CSMD1: variants seen among roughly 807,000 people sequenced by gnomAD.
CSMD1 encodes CUB and Sushi multiple domains 1.
A neutral mutation model predicts 417.5 loss-of-function variants in CSMD1; 213 were observed. The ratio of observed to expected loss-of-function variants is 0.51; its 90% CI spans 0.46 to 0.57. The LOEUF is 0.57. Ranked by LOEUF, CSMD1 falls within the 20% of genes least tolerant of loss-of-function variation. The pLI is 0.00. For synonymous variants in CSMD1, 2,862 were observed against 1,736.8 expected (o/e 1.65, Z -16.11); for missense variants, 6,923 against 4,529.7 (o/e 1.53, Z -15.17).
At chr8:3,003,461 T>C (rs1807590873) in intron 52 of CSMD1, among the ~76,000 whole-genome samples, 1 of 152,182 alleles carries the variant, frequency 6.6e-6, no homozygotes, top group East Asian at 1.9e-4. Flanking sequence ...ACCATATCAG[T>C]CACACACTGA....
At chr8:4,071,511 C>G (rs550774625) in intron 3 of CSMD1, among the ~76,000 whole-genome samples, 4 of 152,090 alleles carry the variant, frequency 2.6e-5, no homozygotes, top group Non-Finnish European at 2.9e-5. Flanking sequence ...GCTTCCTTTA[C>G]TTATTTAAGC....
intron 5 of CSMD1, among the ~76,000 whole-genome samples, chr8:3,917,416 A>AACACAC (rs56102573): frequency 1.3e-5 from 2 of 150,198 alleles, no homozygotes; most frequent in Non-Finnish European, 3.0e-5. Context: ...TATACCACGA[A>AACACAC]ACACACACAC....
chr8:4,605,755 T>A (rs186569115), intron 2 of CSMD1, among the ~76,000 whole-genome samples: 39 of 152,324 alleles, frequency 2.6e-4, no homozygotes, highest in Non-Finnish European at 5.4e-4. Context: ...AATCTGGGAA[T>A]CAATTTACGC....
chr8:3,622,336 G>A (rs1400883859), intron 7 of CSMD1, among the ~76,000 whole-genome samples: 4 of 152,144 alleles, frequency 2.6e-5, no homozygotes, highest in Admixed American at 1.3e-4. Context: ...ATTGATGTTT[G>A]TCAGAAATAA....
At chr8:4,940,605 G>A (rs1386138064) in intron 1 of CSMD1, among the ~76,000 whole-genome samples, 2 of 152,132 alleles carry the variant, frequency 1.3e-5, no homozygotes, top group Admixed American at 1.3e-4. Context: ...TTTTGATTCT[G>A]TTTATTTCTG....
At position 4,813,850 on chromosome 8, in the gene CSMD1, G is replaced by C. The variant is rs561830477; in HGVS notation, c.86-176292C>G. Among the ~76,000 whole-genome samples, 42 of 152,298 alleles carry C rather than the reference G, an allele frequency of 2.8e-4. No individual in the cohort carries two copies. In the South Asian group the frequency reaches 8.5e-3, roughly 31 times the overall value. On this transcript the variant is annotated intron_variant, in intron 1 of 69. Transcript: ENST00000635120. ...GGCAGTAATTCCAGAGTGCATAGTA[G>C]CATTCTCAGGTTTTGTGTGTTTTCC...
At chr8:4,146,630 G>GTCTCAAAAAAAAAAAAAAAAAAAAAA in intron 3 of CSMD1, among the ~76,000 whole-genome samples, 2 of 32,404 alleles carry the variant, frequency 6.2e-5, no homozygotes, top group African/African-American at 2.0e-4. Flanking sequence ...TTTTTTTTTT[G>GTCTCAAAAAAAAAAAAAAAAAAAAAA]AGACAGAGTC....
At chr8:4,114,061 G>T (rs182422113) in intron 3 of CSMD1, among the ~76,000 whole-genome samples, 82 of 152,272 alleles carry the variant, frequency 5.4e-4, no homozygotes, top group African/African-American at 1.9e-3. Flanking sequence ...ATAAACAACA[G>T]ATTTTCCATG....
intron 5 of CSMD1, among the ~76,000 whole-genome samples, chr8:3,915,450 G>T (rs1035216774): frequency 6.7e-6 from 1 of 150,050 alleles, no homozygotes; most frequent in Non-Finnish European, 1.5e-5. Context: ...AGTAGGTTCG[G>T]AAGATCACTT....
chr8:3,860,607 A>G (rs1804635020), intron 5 of CSMD1, among the ~76,000 whole-genome samples: 1 of 152,314 alleles, frequency 6.6e-6, no homozygotes, highest in African/African-American at 2.4e-5. Context: ...ATATATGAAC[A>G]TAAGAGACAC....
intron 49 of CSMD1, among the ~76,000 whole-genome samples, chr8:3,058,384 T>C (rs948951213): frequency 3.3e-5 from 5 of 152,180 alleles, no homozygotes. Flanking sequence ...GGGTAGACAG[T>C]AAATATATAC....
intron 1 of CSMD1, among the ~76,000 whole-genome samples, chr8:4,709,395 A>T (rs986686547): frequency 2.0e-5 from 3 of 152,152 alleles, no homozygotes; most frequent in African/African-American, 7.2e-5. Flanking sequence ...GAGCCAAGGG[A>T]CGAACATAAA....
At chr8:3,264,514 T>G (rs147340447) in intron 26 of CSMD1, among the ~76,000 whole-genome samples, 5 of 152,196 alleles carry the variant, frequency 3.3e-5, no homozygotes, top group Non-Finnish European at 7.4e-5. Flanking sequence ...ATTTGAGAAC[T>G]GCACACTGAA....
chr8:3,977,713 C>T (rs936782214), intron 5 of CSMD1, among the ~76,000 whole-genome samples: 9 of 152,124 alleles, frequency 5.9e-5, no homozygotes, highest in Non-Finnish European at 1.3e-4. Context: ...GTCATAGATG[C>T]CTGGAAATGA....
At chr8:2,954,704 A>G (rs917737068) in intron 64 of CSMD1, among the ~76,000 whole-genome samples, 2 of 152,228 alleles carry the variant, frequency 1.3e-5, no homozygotes, top group African/African-American at 4.8e-5. Context: ...ATTCAAAATT[A>G]TTTCCATTGC....
intron 2 of CSMD1, among the ~76,000 whole-genome samples, chr8:4,477,061 A>C (rs1312810061): frequency 1.3e-5 from 2 of 152,198 alleles, no homozygotes; most frequent in Non-Finnish European, 2.9e-5. Context: ...CCAGCCTTGC[A>C]GCTGTGTCAG....
chr8:4,947,366 C>T (rs1387943816), intron 1 of CSMD1, among the ~76,000 whole-genome samples: 1 of 152,016 alleles, frequency 6.6e-6, no homozygotes, highest in Non-Finnish European at 1.5e-5. Context: ...ATTCTCAGCA[C>T]TAATTAATGG....
At chr8:4,584,220 G>T (rs1563309309) in intron 2 of CSMD1, among the ~76,000 whole-genome samples, 1 of 151,976 alleles carries the variant, frequency 6.6e-6, no homozygotes, top group Non-Finnish European at 1.5e-5. Flanking sequence ...GTGAGACCAA[G>T]AACCCACCAA....
intron 3 of CSMD1, among the ~76,000 whole-genome samples, chr8:4,298,695 T>C (rs1451313565): frequency 1.3e-5 from 2 of 152,146 alleles, no homozygotes; most frequent in Non-Finnish European, 2.9e-5. Context: ...ATCTTCAGGC[T>C]ACTCTGATAC....
Sources: gnomAD v4.1 joint callset for allele counts (sites outside exome capture counted in the v4.1 genomes callset) on GRCh38, gnomAD v4.1.1 for gene constraint, MANE v1.5 for transcripts, NCBI Gene and HGNC (gene_info 2026-07-23, HGNC 2026-07-21) for gene names.